RAB38: variants seen among roughly 807,000 people sequenced by gnomAD.
RAB38 encodes the protein ras-related protein Rab-38.
Under a neutral mutation model 18.4 loss-of-function variants are expected in RAB38, and 15 were observed. The ratio of observed to expected loss-of-function variants is 0.82; its 90% CI spans 0.55 to 1.26. RAB38 has a LOEUF of 1.26. Ranked by LOEUF, RAB38 falls within the 50% of genes most tolerant of loss-of-function variation. The pLI, the probability that RAB38 is intolerant of heterozygous loss-of-function variation, is 0.00. For missense variants in RAB38, 294 were observed against 267.4 expected, an observed-to-expected ratio of 1.10 and a Z score of -0.69; for synonymous variants, 101 against 104.4, an observed-to-expected ratio of 0.97 and a Z score of 0.20.
chr11:88,134,715 A>T (rs1565213046), intron 2 of RAB38, among the ~76,000 whole-genome samples: 1 of 152,226 alleles, frequency 6.6e-6, no homozygotes, highest in Non-Finnish European at 1.5e-5. Flanking sequence ...AAATATTGCA[A>T]TAGCATCCCA....
At chr11:87,975,830 A>G in the RAB38 span, among the ~76,000 whole-genome samples, 1 of 151,672 alleles carries the variant, frequency 6.6e-6, no homozygotes, top group Non-Finnish European at 1.5e-5. Context: ...TGATACACCC[A>G]TATCAAGACT....
At chr11:87,920,302 G>C in the RAB38 span, among the ~76,000 whole-genome samples, 101,308 of 151,656 alleles carry the variant, frequency 0.67, 36,369 homozygotes, top group East Asian at 0.93. Context: ...TCTTAGGACT[G>C]TTATTTTTAT....
chr11:88,069,364 C>G, the RAB38 span, among the ~76,000 whole-genome samples: 1 of 152,216 alleles, frequency 6.6e-6, no homozygotes, highest in African/African-American at 2.4e-5. Context: ...CCCAAGCCTC[C>G]CCGACGGGCA....
At chr11:87,868,608 A>AGAGAGAGAGAGAGAAGGAGAGAAG in the RAB38 span, among the ~76,000 whole-genome samples, 1 of 102,986 alleles carries the variant, frequency 9.7e-6, no homozygotes, top group Admixed American at 1.1e-4. Flanking sequence ...AGAGAGAGAG[A>AGAGAGAGAGAGAGAAGGAGAGAAG]GAGAGAGAGA....
At chr11:88,087,681 G>C in the RAB38 span, among the ~76,000 whole-genome samples, 2 of 151,824 alleles carry the variant, frequency 1.3e-5, no homozygotes, top group East Asian at 3.9e-4. Context: ...TTGAGAGGTG[G>C]GTCATTTCGA....
At chr11:88,126,824 A>G (rs1170381103) in intron 2 of RAB38, among the ~76,000 whole-genome samples, 9 of 152,214 alleles carry the variant, frequency 5.9e-5, no homozygotes, top group Non-Finnish European at 1.3e-4. Context: ...TGTGATGAAA[A>G]TAATGCCAAC....
At chr11:87,837,433 G>T in the RAB38 span, among the ~76,000 whole-genome samples, 8 of 152,142 alleles carry the variant, frequency 5.3e-5, no homozygotes, top group Non-Finnish European at 8.8e-5. Flanking sequence ...AATCTACTCT[G>T]GTAGGCAACA....
chr11:88,152,425 G>A (rs1437334208), intron 1 of RAB38, among the ~76,000 whole-genome samples: 1 of 152,230 alleles, frequency 6.6e-6, no homozygotes, highest in African/African-American at 2.4e-5. Flanking sequence ...ATATGTGTGT[G>A]TGTGTATATA....
the RAB38 span, among the ~76,000 whole-genome samples, chr11:87,974,720 C>T: frequency 6.7e-6 from 1 of 149,794 alleles, no homozygotes; most frequent in Non-Finnish European, 1.5e-5. Context: ...TGAAAAGCAG[C>T]CAAAGGGAAA....
At chr11:88,099,991 T>G in the RAB38 span, 1 of 151,818 alleles carries the variant, frequency 6.6e-6, no homozygotes, top group Non-Finnish European at 1.5e-5. Flanking sequence ...TCAGAAAGTG[T>G]TTAGGCTGGT....
At chr11:87,882,958 C>G in the RAB38 span, among the ~76,000 whole-genome samples, 1 of 151,862 alleles carries the variant, frequency 6.6e-6, no homozygotes, top group Non-Finnish European at 1.5e-5. Flanking sequence ...GCTCTGAGTT[C>G]CAACACAGCT....
the RAB38 span, among the ~76,000 whole-genome samples, chr11:88,027,088 TAAAATA>T: frequency 6.6e-6 from 1 of 152,188 alleles, no homozygotes; most frequent in Admixed American, 6.5e-5. Flanking sequence ...ACCATTAAAA[TAAAATA>T]AACGAAGATT....
chr11:88,015,978 C>T, the RAB38 span, among the ~76,000 whole-genome samples: 1 of 152,142 alleles, frequency 6.6e-6, no homozygotes, highest in Non-Finnish European at 1.5e-5. Flanking sequence ...CACCACCTCC[C>T]AATGGGGTAG....
At chr11:88,029,117 TC>T in the RAB38 span, among the ~76,000 whole-genome samples, 3 of 151,952 alleles carry the variant, frequency 2.0e-5, no homozygotes, top group East Asian at 5.8e-4. Flanking sequence ...GAATTTCATA[TC>T]CAGCCAAACT....
the RAB38 span, among the ~76,000 whole-genome samples, chr11:87,966,444 T>G: frequency 6.6e-6 from 1 of 152,122 alleles, no homozygotes; most frequent in African/African-American, 2.4e-5. Flanking sequence ...TCCAAGGTAC[T>G]CAGATGGTAG....
the RAB38 span, among the ~76,000 whole-genome samples, chr11:88,078,640 G>A: frequency 1.3e-5 from 2 of 151,834 alleles, no homozygotes; most frequent in African/African-American, 4.8e-5. Flanking sequence ...GACAGATGCT[G>A]TATGTTCTCA....
chr11:88,158,864 A>C (rs1187197911), intron 1 of RAB38, among the ~76,000 whole-genome samples: 1 of 152,134 alleles, frequency 6.6e-6, no homozygotes, highest in Non-Finnish European at 1.5e-5. Flanking sequence ...GAACAAGACA[A>C]GGATGTCCAT....
the RAB38 span, among the ~76,000 whole-genome samples, chr11:87,905,604 T>C: frequency 6.6e-5 from 10 of 151,900 alleles, no homozygotes; most frequent in Admixed American, 6.6e-4. Flanking sequence ...TGAAGTGTCA[T>C]TTAATTATCT....
chr11:87,816,754 T>C, the RAB38 span, among the ~76,000 whole-genome samples: 1 of 152,098 alleles, frequency 6.6e-6, no homozygotes, highest in Non-Finnish European at 1.5e-5. Flanking sequence ...TTTATTTTTC[T>C]GAAGAACCCT....
Sources: gnomAD v4.1 joint callset for allele counts (sites outside exome capture counted in the v4.1 genomes callset) on GRCh38, gnomAD v4.1.1 for gene constraint, MANE v1.5 for transcripts, NCBI Gene and HGNC (gene_info 2026-07-23, HGNC 2026-07-21) for gene names.